ZMAT4: variants seen among roughly 807,000 people sequenced by gnomAD.
ZMAT4 encodes the protein zinc finger matrin-type 4.
Under a neutral mutation model 28.7 loss-of-function variants are expected in ZMAT4, and 17 were observed. That is an observed-to-expected ratio of 0.59 (90% CI 0.41 to 0.89). ZMAT4 has a LOEUF of 0.89. Ranked by LOEUF, ZMAT4 falls within the 40% of genes least tolerant of loss-of-function variation. ZMAT4 has a pLI of 0.00. For missense variants in ZMAT4, 240 were observed against 283.8 expected, an observed-to-expected ratio of 0.85 and a Z score of 1.11; for synonymous variants, 117 against 109.2, an observed-to-expected ratio of 1.07 and a Z score of -0.44.
In ZMAT4 at chr8:40,555,403, G is replaced by A. The variant is rs140095384; in HGVS notation, c.675-23165C>T. Among the ~76,000 whole-genome samples, 39 of 152,206 alleles carry A rather than the reference G, an allele frequency of 2.6e-4. 1 individual carries two copies. The highest frequency in any genetic ancestry group is 2.6e-4 in the Non-Finnish European group (18 of 67,998). The stretch of plus-strand genomic sequence containing the variant: ...CAAATACTTCTTAATCACCATCTCA[G>A]ATATACTCCACAGTCTTCAAGATTA... On this transcript the variant is annotated intron_variant, in intron 6 of 6. Coordinates refer to ENST00000297737, the MANE Select transcript of ZMAT4 (RefSeq NM_024645.3).
chr8:40,732,834 C>CTTTTTTTTTTTTTTT (rs11461186), intron 3 of ZMAT4, among the ~76,000 whole-genome samples: 2 of 67,022 alleles, frequency 3.0e-5, no homozygotes, highest in African/African-American at 1.1e-4. Flanking sequence ...GCAAGACCTC[C>CTTTTTTTTTTTTTTT]TTTTTTTTTT....
At chr8:40,763,295 G>A (rs765493749) in intron 3 of ZMAT4, among the ~76,000 whole-genome samples, 2 of 152,138 alleles carry the variant, frequency 1.3e-5, no homozygotes, top group Non-Finnish European at 2.9e-5. Flanking sequence ...CAGTATCAGA[G>A]TAGATCTCCT....
intron 5 of ZMAT4, among the ~76,000 whole-genome samples, chr8:40,618,940 T>A (rs145296281): frequency 6.6e-6 from 1 of 152,152 alleles, no homozygotes; most frequent in Non-Finnish European, 1.5e-5. Context: ...TAAGTTTAAG[T>A]GTCTAGTGAA....
intron 2 of ZMAT4, among the ~76,000 whole-genome samples, chr8:40,795,431 T>C (rs1814554745): frequency 6.6e-6 from 1 of 152,180 alleles, no homozygotes; most frequent in South Asian, 2.1e-4. Context: ...GAGACTGTTT[T>C]TTAGTGCAAT....
chr8:40,843,968 T>C (rs536977215), intron 1 of ZMAT4, among the ~76,000 whole-genome samples: 3 of 152,108 alleles, frequency 2.0e-5, no homozygotes, highest in African/African-American at 7.2e-5. Flanking sequence ...ATGTACACAG[T>C]GCACCTAGAA....
At chr8:40,762,164 C>T (rs1812968156) in intron 3 of ZMAT4, among the ~76,000 whole-genome samples, 1 of 152,186 alleles carries the variant, frequency 6.6e-6, no homozygotes, top group Non-Finnish European at 1.5e-5. Flanking sequence ...ATCCCAACCT[C>T]GACTCCTGCC....
chr8:40,704,158 C>T (rs908920410), intron 3 of ZMAT4, among the ~76,000 whole-genome samples: 9 of 152,352 alleles, frequency 5.9e-5, no homozygotes, highest in Admixed American at 2.0e-4. Context: ...GTCCAATAAA[C>T]GCCACTATTT....
At chr8:40,782,414 C>CAAACAA (rs1813876328) in intron 2 of ZMAT4, among the ~76,000 whole-genome samples, 1 of 151,916 alleles carries the variant, frequency 6.6e-6, no homozygotes, top group Non-Finnish European at 1.5e-5. Flanking sequence ...AACAAACAAA[C>CAAACAA]AAACAAAAAC....
At chr8:40,665,561 G>A (rs1198741852) in intron 5 of ZMAT4, among the ~76,000 whole-genome samples, 1 of 152,136 alleles carries the variant, frequency 6.6e-6, no homozygotes, top group Non-Finnish European at 1.5e-5. Flanking sequence ...TGAATGTGGG[G>A]GAAAGTCCTT....
chr8:40,634,152 G>A (rs1196018397), intron 5 of ZMAT4, among the ~76,000 whole-genome samples: 1 of 152,206 alleles, frequency 6.6e-6, no homozygotes, highest in African/African-American at 2.4e-5. Flanking sequence ...AAGTTATGGA[G>A]AGGAGCAAAA....
intron 5 of ZMAT4, among the ~76,000 whole-genome samples, chr8:40,666,535 A>T (rs1381068032): frequency 1.3e-5 from 2 of 152,122 alleles, no homozygotes; most frequent in East Asian, 1.9e-4. Context: ...TGTGAAAATT[A>T]AAAAAATACA....
intron 1 of ZMAT4, among the ~76,000 whole-genome samples, chr8:40,856,320 A>T (rs2150640188): frequency 6.6e-6 from 1 of 152,230 alleles, no homozygotes; most frequent in South Asian, 2.1e-4. Context: ...GAGGAAGTGG[A>T]ATTCAGGGGT....
intron 3 of ZMAT4, among the ~76,000 whole-genome samples, chr8:40,715,559 G>A (rs1331463755): frequency 6.6e-6 from 1 of 152,106 alleles, no homozygotes; most frequent in African/African-American, 2.4e-5. Flanking sequence ...CACAGTAGGT[G>A]ATACTTTTTT....
At chr8:40,755,852 C>T (rs964269538) in intron 3 of ZMAT4, among the ~76,000 whole-genome samples, 1 of 152,124 alleles carries the variant, frequency 6.6e-6, no homozygotes, top group Non-Finnish European at 1.5e-5. Context: ...TTACAGACCA[C>T]ACAAAAACAG....
At chr8:40,849,267 T>G (rs1817017306) in intron 1 of ZMAT4, among the ~76,000 whole-genome samples, 1 of 152,204 alleles carries the variant, frequency 6.6e-6, no homozygotes, top group Admixed American at 6.5e-5. Flanking sequence ...TTGCCCTGTT[T>G]TCATCATCTT....
chr8:40,748,427 T>A (rs191946570), intron 3 of ZMAT4, among the ~76,000 whole-genome samples: 21 of 152,274 alleles, frequency 1.4e-4, no homozygotes, highest in Admixed American at 3.9e-4. Flanking sequence ...CATGACTGAA[T>A]AACACCACCC....
intron 1 of ZMAT4, among the ~76,000 whole-genome samples, chr8:40,892,303 G>A (rs1408807732): frequency 5.9e-5 from 9 of 152,066 alleles, no homozygotes; most frequent in Non-Finnish European, 1.5e-5. Flanking sequence ...ATCCTCTTCT[G>A]GTCTACCCAT....
chr8:40,894,245 A>G (rs1818794534), intron 1 of ZMAT4, among the ~76,000 whole-genome samples: 1 of 152,212 alleles, frequency 6.6e-6, no homozygotes, highest in African/African-American at 2.4e-5. Context: ...GGTCAGCTGC[A>G]CCACTCCAGG....
intron 2 of ZMAT4, among the ~76,000 whole-genome samples, chr8:40,811,877 T>C (rs1280128033): frequency 1.3e-5 from 2 of 152,138 alleles, no homozygotes; most frequent in African/African-American, 4.8e-5. Context: ...ATGCCTGTAA[T>C]CCCAGCACTT....
Sources: gnomAD v4.1 joint callset for allele counts (sites outside exome capture counted in the v4.1 genomes callset) on GRCh38, gnomAD v4.1.1 for gene constraint, MANE v1.5 for transcripts, NCBI Gene and HGNC (gene_info 2026-07-23, HGNC 2026-07-21) for gene names.